MPDZ: variants seen among roughly 807,000 people sequenced by gnomAD.
MPDZ encodes the protein multiple PDZ domain crumbs cell polarity complex component, also known as multiple PDZ domain protein.
In MPDZ, 234 loss-of-function variants were observed where a neutral mutation model predicts 239.1. The observed-to-expected ratio is 0.98, with a 90% CI of 0.88 to 1.09. The LOEUF is 1.09. Ranked by LOEUF, MPDZ falls within the 50% of genes least tolerant of loss-of-function variation. MPDZ has a pLI of 0.00. For synonymous variants in MPDZ, 1,048 were observed against 881.3 expected (o/e 1.19, Z -3.35); for missense variants, 3,175 against 2,510.0 (o/e 1.26, Z -5.66).
chr9:13,120,890 G>A (rs1270834132), intron 38 of MPDZ, among the ~76,000 whole-genome samples: 1 of 152,170 alleles, frequency 6.6e-6, no homozygotes, highest in Non-Finnish European at 1.5e-5. Context: ...AGACACTGCA[G>A]ACTGCAGGGG....
At chr9:13,189,928 A>G (rs1048543403) in intron 16 of MPDZ, among the ~76,000 whole-genome samples, 186 bp downstream of exon 16, 3 of 152,200 alleles carry the variant, frequency 2.0e-5, no homozygotes, top group African/African-American at 7.2e-5. Flanking sequence ...TGAAATAAAA[A>G]TAGCTCAATG....
intron 22 of MPDZ, among the ~76,000 whole-genome samples, 151 bp from the exon 23 acceptor site, chr9:13,162,946 T>A (rs1260002811): frequency 6.6e-6 from 1 of 152,138 alleles, no homozygotes; most frequent in Admixed American, 6.6e-5. Flanking sequence ...CAGCAGAGAA[T>A]CCAAACTTCA....
At chr9:13,136,332 T>TTTTTTTTTTTTTTTTA in intron 30 of MPDZ, 150 bp from the exon 31 acceptor site, 1 of 486,618 alleles carries the variant, frequency 2.1e-6, no homozygotes, top group African/African-American at 2.6e-5. Flanking sequence ...TTTCTTTTTT[T>TTTTTTTTTTTTTTTTA]TTTTTTTTTT....
chr9:13,273,292 G>C (rs986896492), intron 1 of MPDZ, among the ~76,000 whole-genome samples: 24 of 152,180 alleles, frequency 1.6e-4, no homozygotes, highest in Admixed American at 1.4e-3. Flanking sequence ...AAATATATCG[G>C]AAAGGAGTTT....
chr9:13,202,133 G>C (rs1956455419), intron 12 of MPDZ, among the ~76,000 whole-genome samples: 1 of 152,268 alleles, frequency 6.6e-6, no homozygotes, highest in Non-Finnish European at 1.5e-5. Context: ...CTTAGTATCA[G>C]AACTTAAATG....
rs778325488 is a variant in MPDZ, at chr9:13,168,354, A to C, written c.3254+12T>G. ...ATTTCCCAAGTTAAACTGGGCTTCA[A>C]ATGATACTTACTTTATGTCAGGGCC... On this transcript the variant is annotated intron_variant, in intron 22 of 46. Coordinates refer to ENST00000319217, the MANE Select transcript of MPDZ (RefSeq NM_001378778.1). The C allele has an allele frequency of 1.9e-6, 3 of 1,608,246 alleles. No homozygotes were observed. Among genetic ancestry groups the C allele is most frequent in the Non-Finnish European group, 2.5e-6 (3 of 1,177,250 alleles).
At chr9:13,250,729 T>C (rs1467510138) in intron 1 of MPDZ, among the ~76,000 whole-genome samples, 2 of 149,620 alleles carry the variant, frequency 1.3e-5, no homozygotes, top group African/African-American at 5.0e-5. Flanking sequence ...CTTACTTAAC[T>C]CCACATAAGA....
intron 3 of MPDZ, among the ~76,000 whole-genome samples, chr9:13,233,035 A>C (rs1962962488): frequency 6.6e-6 from 1 of 152,180 alleles, no homozygotes; most frequent in Non-Finnish European, 1.5e-5. Flanking sequence ...AATAAATTTA[A>C]AGTGGGTAGT....
intron 8 of MPDZ, among the ~76,000 whole-genome samples, chr9:13,218,617 A>G (rs921061129): frequency 4.6e-5 from 7 of 151,942 alleles, no homozygotes; most frequent in Non-Finnish European, 8.8e-5. Flanking sequence ...GTGTTCTAAT[A>G]AAGTTTTAAA....
intron 13 of MPDZ, among the ~76,000 whole-genome samples, chr9:13,195,816 T>C (rs1955563855): frequency 1.3e-5 from 2 of 152,194 alleles, no homozygotes; most frequent in African/African-American, 2.4e-5. Flanking sequence ...CTATAAATCA[T>C]AGGTTTAAAA....
rs556178431 is a variant in MPDZ at position 13,171,004 on chromosome 9, A to G, written c.3056-2440T>C. Among the ~76,000 whole-genome samples the G allele has an allele frequency of 5.3e-5, 8 of 152,308 alleles. 1 individual carries two copies. The South Asian group carries it at 1.7e-3, about 32-fold the overall frequency. ...AAATCCCAAATCATGTGCTTTGTAA[A>G]TAGAGAACTGGTTACAAACCTGAAT... On this transcript the variant is annotated intron_variant, in intron 21 of 46. Coordinates refer to ENST00000319217, the MANE Select transcript of MPDZ (RefSeq NM_001378778.1).
intron 19 of MPDZ, among the ~76,000 whole-genome samples, chr9:13,181,726 G>T (rs980747422): frequency 6.6e-6 from 1 of 152,128 alleles, no homozygotes; most frequent in African/African-American, 2.4e-5. Flanking sequence ...GCCAGCATTT[G>T]CCCTGTAAAA....
At position 13,116,438 on chromosome 9, in the gene MPDZ, ATAT is replaced by A. The variant is rs368977256; in HGVS notation, c.5380-1107_5380-1105del. Among the ~76,000 whole-genome samples the A allele has an allele frequency of 1.4e-3, 217 of 152,298 alleles. 1 individual carries two copies. Among genetic ancestry groups the A allele is most frequent in the African/African-American group, 5.1e-3 (212 of 41,564 alleles). On this transcript the variant is annotated intron_variant, in intron 39 of 46. Transcript: ENST00000319217. Reference sequence around the variant, plus strand: ...AGATTAATATAAATATTGGGCACTGATATTATTATTCAGTGATGAGAGTACAAA... The same window carrying A: ...AGATTAATATAAATATTGGGCACTGATATTATTCAGTGATGAGAGTACAAA...
In MPDZ at chr9:13,198,737, C is replaced by CTCTCTCTGTGTGTGTGTGTGTG. The variant is rs755487892; in HGVS notation, c.1547-2508_1547-2507insCACACACACACACACAGAGAGA. ...ATATTTAGGTCTTTAATCTCTCTCT[C>CTCTCTCTGTGTGTGTGTGTGTG]TGTGTGTGTGTGTGTGTGTGTGTGT... is the stretch of plus-strand genomic sequence containing the variant. On this transcript the variant is annotated intron_variant, in intron 12 of 46. Transcript: ENST00000319217. Among the ~76,000 whole-genome samples, 384 of 69,680 alleles carry CTCTCTCTGTGTGTGTGTGTGTG rather than the reference C, an allele frequency of 5.5e-3. 2 individuals carry two copies. Among genetic ancestry groups the CTCTCTCTGTGTGTGTGTGTGTG allele is most frequent in the Middle Eastern group, 8.8e-3 (1 of 114 alleles). 45.7% of individuals were successfully genotyped at this position (69,680 alleles called of 152,430 possible).
chr9:13,275,323 G>C (rs1973920542), intron 1 of MPDZ, among the ~76,000 whole-genome samples: 1 of 152,138 alleles, frequency 6.6e-6, no homozygotes, highest in East Asian at 1.9e-4. Context: ...TAAAAAATTA[G>C]GCTATAGACA....
chr9:13,278,968 C>G (rs752751135), intron 1 of MPDZ: 4 of 152,176 alleles, frequency 2.6e-5, no homozygotes, highest in Non-Finnish European at 4.4e-5. Context: ...ACACCCCACC[C>G]CCAGCCCCCC....
chr9:13,279,146 C>T (rs1214299119), intron 1 of MPDZ: 1 of 151,280 alleles, frequency 6.6e-6, no homozygotes, highest in Non-Finnish European at 1.5e-5. Context: ...ACTTCTAGAC[C>T]CCATCCTTTT....
chr9:13,219,850 T>C (rs998876280), intron 7 of MPDZ, 82 bp from the exon 8 acceptor site: 18 of 1,353,928 alleles, frequency 1.3e-5, no homozygotes, highest in Non-Finnish European at 1.7e-5. Flanking sequence ...GGATTAATTT[T>C]AGAAAAGCAA....
chr9:13,267,208 C>T (rs1971974199), intron 1 of MPDZ, among the ~76,000 whole-genome samples: 1 of 152,176 alleles, frequency 6.6e-6, no homozygotes, highest in Non-Finnish European at 1.5e-5. Context: ...ATAAAATAGG[C>T]TACATAAGTA....
Sources: allele counts gnomAD v4.1 joint callset (sites outside exome capture counted in the v4.1 genomes callset), GRCh38; gene constraint gnomAD v4.1.1; transcripts MANE v1.5; gene names NCBI Gene and HGNC (gene_info 2026-07-23, HGNC 2026-07-21).